CRIM1: variants seen among roughly 807,000 people sequenced by gnomAD.
The protein encoded by CRIM1 is cysteine rich transmembrane BMP regulator 1, also known as cysteine-rich motor neuron 1 protein.
CRIM1 carries 32 observed loss-of-function variants against 116.4 expected under a neutral mutation model. The observed-to-expected ratio is 0.27, with a 90% CI of 0.21 to 0.37. CRIM1 has a LOEUF of 0.37. Among genes scored for constraint, CRIM1 ranks in the 10% least tolerant of loss-of-function variants. The pLI is 1.00. For missense variants in CRIM1, 1,331 were observed against 1,354.8 expected (o/e 0.98, Z 0.28); for synonymous variants, 590 against 509.2 (o/e 1.16, Z -2.13).
chr2:36,460,995 G>T (rs1286129281), intron 4 of CRIM1, among the ~76,000 whole-genome samples: 1 of 152,222 alleles, frequency 6.6e-6, no homozygotes, highest in Admixed American at 6.5e-5. Flanking sequence ...AAAAGAGCAT[G>T]ACCGTAGCAA....
chr2:36,436,492 AAAGT>A (rs1441021868), intron 2 of CRIM1, among the ~76,000 whole-genome samples: 1 of 152,234 alleles, frequency 6.6e-6, no homozygotes, highest in African/African-American at 2.4e-5. Context: ...TTGAAAAATT[AAAGT>A]AAGTGCTGGA....
intron 5 of CRIM1, among the ~76,000 whole-genome samples, chr2:36,473,481 C>T (rs1267690968): frequency 1.3e-5 from 2 of 152,138 alleles, no homozygotes; most frequent in Non-Finnish European, 2.9e-5. Flanking sequence ...TTCATCAAGC[C>T]ATCAGAAAAC....
intron 2 of CRIM1, among the ~76,000 whole-genome samples, chr2:36,430,256 G>T (rs1487559082): frequency 6.6e-6 from 1 of 152,172 alleles, no homozygotes; most frequent in Non-Finnish European, 1.5e-5. Flanking sequence ...AGATGGCTTT[G>T]AGCCAGAAGC....
chr2:36,469,253 A>C (rs79873964), intron 5 of CRIM1, among the ~76,000 whole-genome samples: 6 of 152,146 alleles, frequency 3.9e-5, no homozygotes, highest in Admixed American at 3.9e-4. Context: ...GCCAAAAGCA[A>C]CTTCAGGGGG....
chr2:36,478,764 C>A (rs540311451), intron 6 of CRIM1, among the ~76,000 whole-genome samples: 17 of 152,208 alleles, frequency 1.1e-4, no homozygotes, highest in Admixed American at 1.0e-3. Context: ...AGTAATTTAT[C>A]TGGTTGCTCT....
At chr2:36,417,521 C>G (rs147644022) in intron 2 of CRIM1, among the ~76,000 whole-genome samples, 1 of 152,252 alleles carries the variant, frequency 6.6e-6, no homozygotes, top group Admixed American at 6.5e-5. Flanking sequence ...ATTCTAGACT[C>G]AATCTATTTC....
At chr2:36,541,657 C>T (rs1015290989) in intron 14 of CRIM1, among the ~76,000 whole-genome samples, 1 of 152,148 alleles carries the variant, frequency 6.6e-6, no homozygotes, top group South Asian at 2.1e-4. Context: ...TAAAATATAT[C>T]CCCAGTAAAT....
chr2:36,362,815 G>C (rs542482910), intron 1 of CRIM1, among the ~76,000 whole-genome samples: 1 of 152,274 alleles, frequency 6.6e-6, no homozygotes, highest in South Asian at 2.1e-4. Context: ...GTTGCAAAGT[G>C]AACAGGTATC....
chr2:36,469,307 C>G (rs746191860), intron 5 of CRIM1, among the ~76,000 whole-genome samples: 21 of 152,244 alleles, frequency 1.4e-4, no homozygotes, highest in Non-Finnish European at 2.9e-4. Flanking sequence ...TACAACTTAG[C>G]GTGTGTTTTT....
At chr2:36,360,290 A>G (rs929028011) in intron 1 of CRIM1, among the ~76,000 whole-genome samples, 2 of 152,158 alleles carry the variant, frequency 1.3e-5, no homozygotes, top group African/African-American at 4.8e-5. Context: ...CCAGGTGGAG[A>G]CTACTTGAGT....
chr2:36,489,446 C>T (rs1219900326), intron 7 of CRIM1, among the ~76,000 whole-genome samples: 2 of 152,198 alleles, frequency 1.3e-5, no homozygotes, highest in African/African-American at 4.8e-5. Context: ...CTCATCCTTT[C>T]TGGGAATCAA....
chr2:36,540,681 G>A (rs1666885353), intron 14 of CRIM1, among the ~76,000 whole-genome samples: 1 of 152,176 alleles, frequency 6.6e-6, no homozygotes, highest in African/African-American at 2.4e-5. Context: ...TTTTTGAGCA[G>A]CTGAATGACA....
Position 36,550,686 on chromosome 2 carries a change from A to G in CRIM1, c.*1985A>G, listed in dbSNP as rs1477277263. On this transcript the variant is annotated 3_prime_UTR_variant, in exon 17 of 17. Coordinates refer to ENST00000280527, the MANE Select transcript of CRIM1 (RefSeq NM_016441.3). ...AAAAAAGATTTATTATCAAGGGGCA[A>G]TATTTTTATCTTTTCCAAAATAAAT... is the stretch of plus-strand genomic sequence containing the variant. 9 of 152,688 alleles carry G rather than the reference A, an allele frequency of 5.9e-5. No individual in the cohort carries two copies. Among genetic ancestry groups the G allele is most frequent in the Admixed American group, 3.3e-4 (5 of 15,300 alleles). The allele number at this position is 152,688 out of a possible 1,614,324, so 9.5% of individuals were successfully genotyped here.
rs150315486 is a variant in CRIM1 at position 36,484,168 on chromosome 2, A to T, written c.1372+4474A>T. Among the ~76,000 whole-genome samples the T allele has an allele frequency of 5.3e-4, 81 of 152,312 alleles. 1 individual carries two copies. The East Asian group carries it at 0.015, about 28-fold the overall frequency. On this transcript the variant is annotated intron_variant, in intron 7 of 16. Transcript: ENST00000280527. ...CAGCCCCTGAAGTCCAGAATCACAG[A>T]GTTTAACTGGGGCTTCCCAGACCCT...
chr2:36,538,303 G>T (rs1448867699), intron 14 of CRIM1, among the ~76,000 whole-genome samples: 1 of 152,008 alleles, frequency 6.6e-6, no homozygotes, highest in Non-Finnish European at 1.5e-5. Context: ...TCCCAGAAAT[G>T]TAAGACCTGA....
intron 7 of CRIM1, among the ~76,000 whole-genome samples, chr2:36,494,227 A>G (rs796649205): frequency 2.6e-5 from 4 of 152,192 alleles, no homozygotes; most frequent in Non-Finnish European, 5.9e-5. Flanking sequence ...TAATTTCGCC[A>G]TTGAGTAGAT....
rs1225219356 is a variant in CRIM1 at position 36,549,646 on chromosome 2, T to G, written c.*945T>G. On this transcript the variant is annotated 3_prime_UTR_variant, in exon 17 of 17. Transcript: ENST00000280527. ...AGAAACTTTTTTTAAAAAGACTGTT[T>G]GGGGATTCTTTTTCCTTATTATATA... is the stretch of plus-strand genomic sequence containing the variant. 6.6e-6 allele frequency: 1 copy of G among 152,396 alleles called. No individual in the cohort carries two copies. Among genetic ancestry groups the G allele is most frequent in the African/African-American group, 2.4e-5 (1 of 41,428 alleles). The allele number at this position is 152,396 out of a possible 1,614,324, so 9.4% of individuals were successfully genotyped here. A position where few individuals can be genotyped will look rare whatever the true frequency, so the allele number is the denominator to read the frequency against.
chr2:36,528,513 C>G (rs1665906131), intron 13 of CRIM1, among the ~76,000 whole-genome samples: 1 of 152,152 alleles, frequency 6.6e-6, no homozygotes, highest in South Asian at 2.1e-4. Flanking sequence ...GAGGCTAGTC[C>G]CATTTGAAGA....
At chr2:36,537,856 G>A (rs531840793) in intron 14 of CRIM1, among the ~76,000 whole-genome samples, 1 of 152,324 alleles carries the variant, frequency 6.6e-6, no homozygotes, top group African/African-American at 2.4e-5. Flanking sequence ...TTTTAGTGCA[G>A]TGTTGGACTA....
Sources: gnomAD v4.1 joint callset for allele counts (sites outside exome capture counted in the v4.1 genomes callset) on GRCh38, gnomAD v4.1.1 for gene constraint, MANE v1.5 for transcripts, NCBI Gene and HGNC (gene_info 2026-07-23, HGNC 2026-07-21) for gene names.